CALN1: variants seen among roughly 807,000 people sequenced by gnomAD.
The protein encoded by CALN1 is calcium-binding protein 8.
In CALN1, 17 loss-of-function variants were observed where a neutral mutation model predicts 30.6. That is an observed-to-expected ratio of 0.56 (90% CI 0.38 to 0.83). CALN1 has a LOEUF of 0.83. CALN1 is among the 40% of genes least tolerant of loss of function. CALN1 has a pLI of 0.00. For missense variants in CALN1, 291 were observed against 354.9 expected, an observed-to-expected ratio of 0.82 and a Z score of 1.45; for synonymous variants, 156 against 131.4, an observed-to-expected ratio of 1.19 and a Z score of -1.28.
Position 71,786,666 on chromosome 7 carries a change from T to C in CALN1, c.*1109A>G, listed in dbSNP as rs1792992874. On this transcript the variant is annotated 3_prime_UTR_variant, in exon 7 of 7. Transcript: ENST00000395275. ...CTCCATCTTTCCATTTTGGATTGCA[T>C]TTCTCTTTTTAGCTGGGGAAGACTA... 6.6e-6 allele frequency: 1 copy of C among 152,084 alleles called. No homozygotes were observed. Among genetic ancestry groups the C allele is most frequent in the African/African-American group, 2.4e-5 (1 of 41,422 alleles). 9.4% of individuals were successfully genotyped at this position (152,084 alleles called of 1,614,324 possible).
At chr7:71,851,100 T>C (rs1231020433) in intron 5 of CALN1, among the ~76,000 whole-genome samples, 1 of 151,970 alleles carries the variant, frequency 6.6e-6, no homozygotes, top group Non-Finnish European at 1.5e-5. Flanking sequence ...CCTGTAGTCC[T>C]AGCTACTTGG....
intron 2 of CALN1, among the ~76,000 whole-genome samples, chr7:72,377,468 T>C (rs1244338261): frequency 6.6e-6 from 1 of 151,628 alleles, no homozygotes; most frequent in African/African-American, 2.4e-5. Context: ...TGTGTGTGTG[T>C]GTGTGTTTGC....
At chr7:71,849,842 A>C (rs1048799183) in intron 5 of CALN1, among the ~76,000 whole-genome samples, 1 of 152,034 alleles carries the variant, frequency 6.6e-6, no homozygotes, top group Non-Finnish European at 1.5e-5. Context: ...TATGATGCCC[A>C]GGTTAGTCTC....
At chr7:71,853,942 T>A (rs775626298) in intron 5 of CALN1, among the ~76,000 whole-genome samples, 12 of 152,182 alleles carry the variant, frequency 7.9e-5, no homozygotes, top group Non-Finnish European at 1.3e-4. Flanking sequence ...ATTTTCATGT[T>A]CTGTTCAGGA....
intron 1 of CALN1, among the ~76,000 whole-genome samples, chr7:72,438,165 A>G (rs1034208891): frequency 2.6e-5 from 4 of 151,444 alleles, no homozygotes; most frequent in African/African-American, 4.9e-5. Context: ...TATTTTTTGT[A>G]GAGATGAGGT....
chr7:72,220,845 TG>T (rs1339681898), intron 3 of CALN1, among the ~76,000 whole-genome samples: 1 of 152,260 alleles, frequency 6.6e-6, no homozygotes, highest in East Asian at 1.9e-4. Flanking sequence ...TGTCTTCTTC[TG>T]AGAAGTGTCT....
At chr7:72,472,929 C>T in the CALN1 span, among the ~76,000 whole-genome samples, 1 of 152,106 alleles carries the variant, frequency 6.6e-6, no homozygotes, top group African/African-American at 2.4e-5. Flanking sequence ...TCTAGAAATA[C>T]AGGGCAAGGG....
chr7:71,992,740 C>T (rs1799020973), intron 5 of CALN1, among the ~76,000 whole-genome samples: 1 of 152,168 alleles, frequency 6.6e-6, no homozygotes. Context: ...TACCTTTGGG[C>T]TGCAATAAAC....
At chr7:71,956,963 GCTGGGATTACAGGTGTGAGCCA>G (rs1796991713) in intron 5 of CALN1, among the ~76,000 whole-genome samples, 1 of 152,146 alleles carries the variant, frequency 6.6e-6, no homozygotes, top group Non-Finnish European at 1.5e-5. Context: ...CTCCCAAAGT[GCTGGGATTACAGGTGTGAGCCA>G]CCACACCCAG....
At chr7:71,961,720 G>A (rs554740537) in intron 5 of CALN1, among the ~76,000 whole-genome samples, 1 of 152,270 alleles carries the variant, frequency 6.6e-6, no homozygotes, top group East Asian at 1.9e-4. Flanking sequence ...AGACAAACTT[G>A]CTGCTAGCTT....
intron 5 of CALN1, among the ~76,000 whole-genome samples, chr7:71,967,599 C>A (rs1336658160): frequency 7.0e-6 from 1 of 142,650 alleles, no homozygotes; most frequent in Non-Finnish European, 1.5e-5. Context: ...GCACTCCAGC[C>A]TGGGCGACAG....
chr7:72,023,136 T>A (rs1800804460), intron 5 of CALN1, among the ~76,000 whole-genome samples: 1 of 152,122 alleles, frequency 6.6e-6, no homozygotes, highest in Non-Finnish European at 1.5e-5. Context: ...AATGATTTCA[T>A]TATACTTTAA....
intron 5 of CALN1, among the ~76,000 whole-genome samples, chr7:71,967,105 G>C (rs1008187851): frequency 6.6e-6 from 1 of 152,072 alleles, no homozygotes; most frequent in Non-Finnish European, 1.5e-5. Context: ...GTTCAAAATG[G>C]AAACAACTTA....
intron 2 of CALN1, among the ~76,000 whole-genome samples, chr7:72,355,855 T>C (rs1803189075): frequency 6.6e-6 from 1 of 152,202 alleles, no homozygotes; most frequent in Non-Finnish European, 1.5e-5. Flanking sequence ...ATGGTGATGG[T>C]TACAAAGGTT....
At chr7:72,340,907 G>A (rs1284987408) in intron 2 of CALN1, among the ~76,000 whole-genome samples, 1 of 152,142 alleles carries the variant, frequency 6.6e-6, no homozygotes, top group African/African-American at 2.4e-5. Flanking sequence ...CATGTGAGAT[G>A]TGTCTGTGCC....
At chr7:72,336,887 C>CCGGCTCCCT (rs1802095333) in intron 2 of CALN1, 3 of 984,924 alleles carry the variant, frequency 3.0e-6, no homozygotes, top group African/African-American at 1.7e-5. Flanking sequence ...CTCGCTGCCG[C>CCGGCTCCCT]CGGCTCCCTC....
At chr7:72,219,835 G>A (rs1793144763) in intron 3 of CALN1, among the ~76,000 whole-genome samples, 1 of 151,838 alleles carries the variant, frequency 6.6e-6, no homozygotes, top group Non-Finnish European at 1.5e-5. Context: ...CTGTCAATAG[G>A]GTCAGTTCAA....
intron 3 of CALN1, among the ~76,000 whole-genome samples, chr7:72,146,068 G>A (rs1450251514): frequency 1.3e-5 from 2 of 152,168 alleles, no homozygotes; most frequent in Admixed American, 6.5e-5. Flanking sequence ...GCACAAGACA[G>A]GGATGCCCTC....
At chr7:71,910,256 G>C (rs1794358294) in intron 5 of CALN1, among the ~76,000 whole-genome samples, 2 of 152,186 alleles carry the variant, frequency 1.3e-5, no homozygotes, top group Admixed American at 1.3e-4. Flanking sequence ...GTTTGCCATG[G>C]TGGGGAAAGA....
Sources: allele counts gnomAD v4.1 joint callset (sites outside exome capture counted in the v4.1 genomes callset), GRCh38; gene constraint gnomAD v4.1.1; transcripts MANE v1.5; gene names NCBI Gene and HGNC (gene_info 2026-07-23, HGNC 2026-07-21).